The following CALN1 variants were observed in gnomAD, a reference collection of about 807,000 sequenced individuals.
CALN1 encodes calcium-binding protein 8.
In CALN1, 17 loss-of-function variants were observed where a neutral mutation model predicts 30.6. The observed-to-expected ratio is 0.56, with a 90% confidence interval of 0.38 to 0.83. CALN1 has a LOEUF of 0.83. Among genes scored for constraint, CALN1 ranks in the 40% least tolerant of loss-of-function variants. The pLI is 0.00. For synonymous variants in CALN1, 156 were observed against 131.4 expected, an observed-to-expected ratio of 1.19 and a Z score of -1.28; for missense variants, 291 against 354.9, an observed-to-expected ratio of 0.82 and a Z score of 1.45.
At chr7:72,416,848 G>C (rs570342789), upstream of CALN1, among the ~76,000 whole-genome samples, 1 of 152,130 alleles carries the variant, frequency 6.6e-6, no homozygotes, top group Non-Finnish European at 1.5e-5. Flanking sequence ...TCAGCCGAGG[G>C]TTGAGCTGGG....
At chr7:71,790,004 T>C (rs1266883219) in intron 6 of CALN1, among the ~76,000 whole-genome samples, 1 of 151,656 alleles carries the variant, frequency 6.6e-6, no homozygotes, top group Non-Finnish European at 1.5e-5. Context: ...GTTGGGAGGC[T>C]GAGGCAGAAG....
chr7:71,865,299 G>A (rs550190093), intron 5 of CALN1, among the ~76,000 whole-genome samples: 3 of 152,118 alleles, frequency 2.0e-5, no homozygotes, highest in Non-Finnish European at 4.4e-5. Context: ...AACAATGTGT[G>A]ACACCTCCCC....
chr7:72,006,575 T>C lies in CALN1; in HGVS notation c.501+17082A>G, dbSNP rs1584729295. 2.7e-5 allele frequency among the ~76,000 whole-genome samples: 3 copies of C among 111,220 alleles called. No homozygotes were observed. The South Asian group carries it at 7.9e-4, about 29-fold the overall frequency. 73.0% of individuals were successfully genotyped at this position (111,220 alleles called of 152,430 possible). On this transcript the variant is annotated intron_variant, in intron 5 of 6. Coordinates refer to ENST00000395275, the MANE Select transcript of CALN1 (RefSeq NM_031468.4). ...AGAGAGGGACATCTAAAAAAGTAGA[T>C]TTTTTTTAAAGAAAAAGGATGAATG...
At chr7:72,046,402 A>G (rs1408933357) in intron 4 of CALN1, among the ~76,000 whole-genome samples, 1 of 151,800 alleles carries the variant, frequency 6.6e-6, no homozygotes, top group Non-Finnish European at 1.5e-5. Flanking sequence ...CACCATGCCT[A>G]ATTCATTTTT....
At chr7:72,330,995 G>A (rs1033171795) in intron 2 of CALN1, among the ~76,000 whole-genome samples, 1 of 152,134 alleles carries the variant, frequency 6.6e-6, no homozygotes, top group Non-Finnish European at 1.5e-5. Flanking sequence ...TCCTATGGAA[G>A]ACAAGCTCAA....
chr7:72,043,427 T>A (rs1440415074), intron 4 of CALN1, among the ~76,000 whole-genome samples: 2 of 152,182 alleles, frequency 1.3e-5, no homozygotes, highest in Non-Finnish European at 2.9e-5. Flanking sequence ...AAAATGCTTT[T>A]ATGCACACTT....
intron 1 of CALN1, among the ~76,000 whole-genome samples, chr7:72,403,742 T>C (rs1174705412): frequency 2.0e-5 from 3 of 152,166 alleles, no homozygotes; most frequent in Non-Finnish European, 2.9e-5. Flanking sequence ...GTATGTGCAG[T>C]GTGGAGAAAG....
At chr7:72,285,297 T>G (rs1798011805) in intron 2 of CALN1, among the ~76,000 whole-genome samples, 1 of 152,192 alleles carries the variant, frequency 6.6e-6, no homozygotes, top group Non-Finnish European at 1.5e-5. Flanking sequence ...CAGGCTGGAG[T>G]GCAGTGGCAC....
intron 1 of CALN1, 133 bp downstream of exon 1, chr7:72,411,925 T>C (rs555765992): frequency 6.6e-6 from 1 of 151,896 alleles, no homozygotes; most frequent in Non-Finnish European, 1.5e-5. Flanking sequence ...AAAGAAAAAA[T>C]CATAGATTAA....
intron 5 of CALN1, among the ~76,000 whole-genome samples, chr7:71,982,756 G>C (rs539884867): frequency 6.6e-6 from 1 of 152,148 alleles, no homozygotes; most frequent in Admixed American, 6.6e-5. Flanking sequence ...CCTTTCAGTG[G>C]AAAGCAGCCC....
At chr7:72,241,231 T>A (rs932789078) in intron 3 of CALN1, among the ~76,000 whole-genome samples, 2 of 152,358 alleles carry the variant, frequency 1.3e-5, no homozygotes, top group South Asian at 4.1e-4. Flanking sequence ...CAGGCATTTA[T>A]TGGTCACTAA....
intron 6 of CALN1, among the ~76,000 whole-genome samples, chr7:71,791,731 C>T (rs6944770): frequency 0.19 from 29,130 of 152,094 alleles, 4,073 homozygotes; most frequent in East Asian, 0.53. Flanking sequence ...GCATTGAGGC[C>T]GGGCACGGTG....
chr7:72,018,726 T>C (rs900448617), intron 5 of CALN1, among the ~76,000 whole-genome samples: 6 of 152,224 alleles, frequency 3.9e-5, no homozygotes, highest in African/African-American at 1.4e-4. Flanking sequence ...CTTTTGCGAC[T>C]AGTACCAACC....
In CALN1 at chr7:71,806,333, T is replaced by C. The variant is rs181433177; in HGVS notation, c.658+4003A>G. On this transcript the variant is annotated intron_variant, in intron 6 of 6. Coordinates refer to ENST00000395275, the MANE Select transcript of CALN1 (RefSeq NM_031468.4). ...TTTTTTTTTTTTTTTGAGATGGAGT[T>C]TTAACTCTTGTTGCCCAGGCTGGAG... Among the ~76,000 whole-genome samples, 957 of 149,094 alleles carry C rather than the reference T, an allele frequency of 6.4e-3. 10 individuals are homozygous for C. Among genetic ancestry groups the C allele is most frequent in the South Asian group, 0.026 (125 of 4,722 alleles).
At chr7:71,927,216 ATG>A (rs1344772802) in intron 5 of CALN1, among the ~76,000 whole-genome samples, 1 of 146,714 alleles carries the variant, frequency 6.8e-6, no homozygotes, top group Non-Finnish European at 1.5e-5. Context: ...AATTTTTTGT[ATG>A]TGTTTTTTTG....
In CALN1 at chr7:72,011,389, C is replaced by T. The variant is rs189787129; in HGVS notation, c.501+12268G>A. ...CACCTCCCTGGTCTCTTGGCTGCAC[C>T]GTTGAACCTCTGAACTCTGCGCTGT... On this transcript the variant is annotated intron_variant, in intron 5 of 6. Coordinates refer to ENST00000395275, the MANE Select transcript of CALN1 (RefSeq NM_031468.4). Among the ~76,000 whole-genome samples, 8 of 152,222 alleles carry T rather than the reference C, an allele frequency of 5.3e-5. No individual in the cohort carries two copies. The East Asian group carries it at 1.4e-3, about 26-fold the overall frequency.
At chr7:72,389,438 C>CA (rs1805438733) in intron 2 of CALN1, among the ~76,000 whole-genome samples, 1 of 152,180 alleles carries the variant, frequency 6.6e-6, no homozygotes. Flanking sequence ...TTAAAAGTGT[C>CA]AGAGGCATCT....
Position 72,220,614 on chromosome 7 carries a change from C to T in CALN1, c.244+58072G>A, listed in dbSNP as rs546064858. Among the ~76,000 whole-genome samples, 421 of 152,312 alleles carry T rather than the reference C, an allele frequency of 2.8e-3. 3 individuals are homozygous for T. The highest frequency in any genetic ancestry group is 9.6e-3 in the African/African-American group (397 of 41,564). ...CTAGTTCTAGATCCCTGAGGAATTG[C>T]CACACTGACTTCCACAATGGTTGAA... On this transcript the variant is annotated intron_variant, in intron 3 of 6. Transcript: ENST00000395275.
intron 3 of CALN1, among the ~76,000 whole-genome samples, chr7:72,133,218 C>T (rs966356828): frequency 3.3e-5 from 5 of 152,084 alleles, no homozygotes; most frequent in East Asian, 1.9e-4. Flanking sequence ...CCTAATGACG[C>T]GAGAAATGTT....
Sources: gnomAD v4.1 joint callset for allele counts (sites outside exome capture counted in the v4.1 genomes callset) on GRCh38, gnomAD v4.1.1 for gene constraint, MANE v1.5 for transcripts, NCBI Gene and HGNC (gene_info 2026-07-23, HGNC 2026-07-21) for gene names.